The following CDH13 variants were observed in gnomAD, a reference collection of about 807,000 sequenced individuals.
CDH13 encodes cadherin-13.
A neutral mutation model predicts 63.8 loss-of-function variants in CDH13; 24 were observed. That is an observed-to-expected ratio of 0.38 (90% confidence interval 0.27 to 0.53). The LOEUF is 0.53. Ranked by LOEUF, CDH13 falls within the 20% of genes least tolerant of loss-of-function variation. The probability of loss-of-function intolerance (pLI) is 0.85; values close to 1 mark genes in which losing one functional copy is unlikely to be tolerated. For missense variants in CDH13, 1,049 were observed against 903.1 expected, an observed-to-expected ratio of 1.16 and a Z score of -2.07; for synonymous variants, 503 against 355.3, an observed-to-expected ratio of 1.42 and a Z score of -4.67.
intron 10 of CDH13, among the ~76,000 whole-genome samples, chr16:83,719,341 C>A (rs926376797): frequency 6.6e-6 from 1 of 152,118 alleles, no homozygotes; most frequent in Non-Finnish European, 1.5e-5. Flanking sequence ...TTCAGTCATC[C>A]CAGCAACCCT....
chr16:83,743,747 TC>T (rs370255345), intron 10 of CDH13, among the ~76,000 whole-genome samples: 12 of 77,486 alleles, frequency 1.5e-4, no homozygotes, highest in Admixed American at 1.4e-4. Flanking sequence ...TTTTCTTTTT[TC>T]TTTTTTTTTT....
intron 1 of CDH13, chr16:82,719,432 G>T (rs1179963577): frequency 2.2e-6 from 1 of 455,926 alleles, no homozygotes; most frequent in East Asian, 6.9e-5. Context: ...GGAGTCTGAG[G>T]CTCAGTTTTC....
rs113186458 is a variant in CDH13 at position 82,682,745 on chromosome 16, C to G, written c.45+55608C>G. Among the ~76,000 whole-genome samples, 7 of 152,284 alleles carry G rather than the reference C, an allele frequency of 4.6e-5. No homozygotes were observed. The East Asian group carries it at 1.4e-3, about 29-fold the overall frequency. On this transcript the variant is annotated intron_variant, in intron 1 of 13. Transcript: ENST00000567109. Reference sequence around the variant, plus strand: ...CTAATGGAGATAATTAATTAGGAAACGGATGTGCTTGCTTCTGAGAAAAAT... The same window carrying G: ...CTAATGGAGATAATTAATTAGGAAAGGGATGTGCTTGCTTCTGAGAAAAAT...
chr16:82,822,791 A>T (rs2038064746), intron 1 of CDH13, among the ~76,000 whole-genome samples: 2 of 152,246 alleles, frequency 1.3e-5, no homozygotes, highest in Non-Finnish European at 2.9e-5. Context: ...CACCATGCCC[A>T]GTCTATCTAC....
chr16:83,779,405 T>TAAAAAAAAAAAAAAAAAAAAA, intron 11 of CDH13, among the ~76,000 whole-genome samples: 1 of 67,786 alleles, frequency 1.5e-5, no homozygotes, highest in Non-Finnish European at 2.6e-5. Flanking sequence ...AGACTCCATC[T>TAAAAAAAAAAAAAAAAAAAAA]CAAAAAAAAA....
At chr16:82,714,638 G>A (rs992684472) in intron 1 of CDH13, among the ~76,000 whole-genome samples, 7 of 145,054 alleles carry the variant, frequency 4.8e-5, no homozygotes, top group African/African-American at 1.8e-4. Flanking sequence ...GGCTTAAACT[G>A]GGCAGGTGCT....
chr16:83,013,064 C>G (rs1914322135), intron 2 of CDH13, among the ~76,000 whole-genome samples: 1 of 152,162 alleles, frequency 6.6e-6, no homozygotes, highest in Admixed American at 6.5e-5. Flanking sequence ...GAGCAGATCT[C>G]TTGCAAAATG....
intron 2 of CDH13, among the ~76,000 whole-genome samples, chr16:82,945,023 A>T (rs963645182): frequency 6.6e-6 from 1 of 152,180 alleles, no homozygotes; most frequent in African/African-American, 2.4e-5. Flanking sequence ...AATTGCTGTC[A>T]TTTTCTTTGA....
At chr16:83,192,311 G>A (rs12448996) in intron 4 of CDH13, among the ~76,000 whole-genome samples, 15,640 of 152,164 alleles carry the variant, frequency 0.1, 875 homozygotes, top group South Asian at 0.16. Context: ...GTGTGTCAGG[G>A]ACTGTGCTGT....
intron 2 of CDH13, among the ~76,000 whole-genome samples, chr16:82,900,921 C>G (rs934435255): frequency 6.6e-6 from 1 of 152,184 alleles, no homozygotes; most frequent in African/African-American, 2.4e-5. Flanking sequence ...AAATCCCAAG[C>G]ACTAAATCCC....
chr16:82,786,545 G>A (rs1320274084), intron 1 of CDH13, among the ~76,000 whole-genome samples: 1 of 147,342 alleles, frequency 6.8e-6, no homozygotes, highest in Non-Finnish European at 1.5e-5. Context: ...TAGGGTACAT[G>A]TGCACAATGT....
At chr16:83,333,291 C>G (rs12597099) in intron 5 of CDH13, among the ~76,000 whole-genome samples, 60,960 of 151,690 alleles carry the variant, frequency 0.4, 12,633 homozygotes, top group East Asian at 0.48. Context: ...AAAGCAATTT[C>G]AAAGGAATAA....
chr16:83,253,609 C>T (rs1181288345), intron 5 of CDH13, among the ~76,000 whole-genome samples: 1 of 152,222 alleles, frequency 6.6e-6, no homozygotes, highest in East Asian at 1.9e-4. Flanking sequence ...CTTTGCAAGC[C>T]TGGTTGCCCT....
chr16:82,749,189 G>C (rs1268049031), intron 1 of CDH13, among the ~76,000 whole-genome samples: 1 of 152,092 alleles, frequency 6.6e-6, no homozygotes. Context: ...GAGAGAGAAG[G>C]AGGAAGGTGG....
chr16:82,681,531 A>AAT, intron 1 of CDH13, among the ~76,000 whole-genome samples: 1 of 152,174 alleles, frequency 6.6e-6, no homozygotes, highest in East Asian at 1.9e-4. Flanking sequence ...AATGAGAAAG[A>AAT]ATTTTTCTCT....
chr16:82,918,777 G>A (rs528748174), intron 2 of CDH13, among the ~76,000 whole-genome samples: 7 of 152,164 alleles, frequency 4.6e-5, no homozygotes, highest in African/African-American at 1.2e-4. Flanking sequence ...CCGACAAAAT[G>A]CTGCTATTAT....
intron 8 of CDH13, among the ~76,000 whole-genome samples, chr16:83,621,314 G>C (rs1909790808): frequency 6.6e-6 from 1 of 151,994 alleles, no homozygotes; most frequent in Non-Finnish European, 1.5e-5. Flanking sequence ...AGGATTCCTT[G>C]CCAGGGCTAT....
intron 2 of CDH13, among the ~76,000 whole-genome samples, chr16:82,902,526 C>CT (rs1213853834): frequency 2.6e-5 from 4 of 152,036 alleles, no homozygotes; most frequent in Non-Finnish European, 4.4e-5. Context: ...TTCTCATTTT[C>CT]TTTCTTTCCT....
chr16:82,791,622 C>T (rs949681040), intron 1 of CDH13, among the ~76,000 whole-genome samples: 3 of 152,204 alleles, frequency 2.0e-5, no homozygotes, highest in Non-Finnish European at 2.9e-5. Flanking sequence ...TTGCTGCCGT[C>T]GCAGACCCGT....
Sources: allele counts gnomAD v4.1 joint callset (sites outside exome capture counted in the v4.1 genomes callset), GRCh38; gene constraint gnomAD v4.1.1; transcripts MANE v1.5; gene names NCBI Gene and HGNC (gene_info 2026-07-23, HGNC 2026-07-21).